Variants in STPG2 observed in about 807,000 individuals in gnomAD.
The protein encoded by STPG2 is sperm-tail PG-rich repeat-containing protein 2.
Under a neutral mutation model 54.2 loss-of-function variants are expected in STPG2, and 56 were observed. That is an observed-to-expected ratio of 1.03 (90% CI 0.83 to 1.29). The LOEUF (loss-of-function observed/expected upper bound fraction) is 1.29, where lower values mean the gene tolerates loss of function less well. STPG2 is among the 50% of genes most tolerant of loss of function. STPG2 has a pLI of 0.00. For synonymous variants in STPG2, 200 were observed against 181.8 expected, an observed-to-expected ratio of 1.10 and a Z score of -0.81; for missense variants, 596 against 544.9, an observed-to-expected ratio of 1.09 and a Z score of -0.93.
chr4:97,711,761 C>G (rs928054055), intron 10 of STPG2, among the ~76,000 whole-genome samples: 6 of 151,318 alleles, frequency 4.0e-5, no homozygotes, highest in Non-Finnish European at 7.4e-5. Context: ...ACTCTGCCTC[C>G]CAGATCCAAG....
chr4:97,672,257 T>G (rs541724619), intron 10 of STPG2, among the ~76,000 whole-genome samples: 48 of 135,934 alleles, frequency 3.5e-4, no homozygotes, highest in Non-Finnish European at 6.0e-4. Flanking sequence ...AACTGCAACC[T>G]CTGCCTCCTG....
At chr4:97,561,031 C>T (rs1448331847) in intron 10 of STPG2, among the ~76,000 whole-genome samples, 5 of 152,146 alleles carry the variant, frequency 3.3e-5, no homozygotes, top group Non-Finnish European at 5.9e-5. Context: ...GCCACACTGA[C>T]TTCCACAATG....
At chr4:97,608,488 TG>T (rs1410078865) in intron 10 of STPG2, among the ~76,000 whole-genome samples, 1 of 152,028 alleles carries the variant, frequency 6.6e-6, no homozygotes. Context: ...TGCCTACCTT[TG>T]GTTTTCTTCG....
chr4:97,981,827 A>AAATGTTTATATATATATATATATATAT (rs1205047472), intron 5 of STPG2, among the ~76,000 whole-genome samples: 2 of 85,444 alleles, frequency 2.3e-5, no homozygotes, highest in East Asian at 5.2e-4. Flanking sequence ...TATATATATA[A>AAATGTTTATATATATATATATATATAT]AATGTTTATA....
At chr4:97,525,426 C>T (rs2148849438) in intron 4 of STPG2, among the ~76,000 whole-genome samples, 1 of 151,986 alleles carries the variant, frequency 6.6e-6, no homozygotes, top group South Asian at 2.1e-4. Flanking sequence ...AGGGTTGTGA[C>T]TCAGCAGCAG....
chr4:97,765,406 C>G (rs958780221), intron 9 of STPG2, among the ~76,000 whole-genome samples: 2 of 152,102 alleles, frequency 1.3e-5, no homozygotes, highest in Non-Finnish European at 2.9e-5. Context: ...TGATATGTGA[C>G]AGTAAATCCC....
At chr4:97,893,032 C>T (rs1305317727) in intron 8 of STPG2, 1 of 152,128 alleles carries the variant, frequency 6.6e-6, no homozygotes, top group African/African-American at 2.4e-5. Flanking sequence ...TTATTCATGT[C>T]TGAAAGTCCA....
At chr4:97,981,562 T>C (rs1197043991) in intron 5 of STPG2, among the ~76,000 whole-genome samples, 4 of 152,006 alleles carry the variant, frequency 2.6e-5, no homozygotes, top group African/African-American at 9.7e-5. Context: ...GACAGACTTT[T>C]AGAAGAAAAT....
intron 9 of STPG2, among the ~76,000 whole-genome samples, chr4:97,725,241 T>C (rs1348891417): frequency 6.6e-6 from 1 of 151,726 alleles, no homozygotes; most frequent in South Asian, 2.1e-4. Flanking sequence ...CTACACAGAG[T>C]TGCAAGTCAG....
Position 98,128,582 on chromosome 4 carries a change from C to T in STPG2, c.233G>A (p.Arg78Lys). ...AACACTTCTGGTAAGTGTAGGTGAT[C>T]TTGAAATTTTCTGCAAGGAAAACAT... ...YNVSEAQKIS[R>K]SPTLTRSVDV... Residue 78 changes from arginine to lysine, a missense_variant, in exon 3 of 11, where the codon AGA becomes AAA. By Grantham distance (26) the Arg-to-Lys change is conservative (BLOSUM62 2). Transcript: ENST00000295268. 6.3e-7 allele frequency: 1 copy of T among 1,582,160 alleles called. No individual in the cohort carries two copies.
chr4:97,923,386 C>T (rs1416835002), intron 8 of STPG2, among the ~76,000 whole-genome samples: 2 of 152,058 alleles, frequency 1.3e-5, no homozygotes, highest in African/African-American at 4.8e-5. Context: ...CCATCGACTG[C>T]CCAAGGGCTA....
intron 10 of STPG2, among the ~76,000 whole-genome samples, chr4:97,590,504 T>C (rs1733113970): frequency 6.6e-6 from 1 of 152,046 alleles, no homozygotes. Flanking sequence ...AGTCAGTGCC[T>C]ATTCTTACAC....
intron 10 of STPG2, among the ~76,000 whole-genome samples, chr4:97,636,993 G>C (rs1721566618): frequency 6.6e-6 from 1 of 152,188 alleles, no homozygotes; most frequent in African/African-American, 2.4e-5. Context: ...CTCATTTTAT[G>C]AGGCCAGCAT....
intron 5 of STPG2, among the ~76,000 whole-genome samples, chr4:98,084,849 T>G (rs565059806): frequency 6.6e-6 from 1 of 152,160 alleles, no homozygotes; most frequent in Non-Finnish European, 1.5e-5. Context: ...TTATTCTAGA[T>G]ACAATTATTT....
chr4:98,143,295 G>A lies in STPG2; in HGVS notation c.-145C>T. 3 of 614,958 alleles carry A rather than the reference G, an allele frequency of 4.9e-6. No individual in the cohort carries two copies. The highest frequency in any genetic ancestry group is 2.0e-5 in the South Asian group (1 of 49,848). The allele number at this position is 614,958 out of a possible 1,614,324, so 38.1% of individuals were successfully genotyped here. ...TTCCGTAAACAGGGAAATTAGGGGT[G>A]GGGTTGTCTCCCCGCCCGCTCATTG... On this transcript the variant is annotated 5_prime_UTR_variant, in exon 1 of 11. Transcript: ENST00000295268.
intron 4 of STPG2, among the ~76,000 whole-genome samples, chr4:97,518,255 T>C (rs2148845515): frequency 6.6e-6 from 1 of 152,182 alleles, no homozygotes; most frequent in African/African-American, 2.4e-5. Context: ...ACTCAAGTAT[T>C]CCTGAAGCAT....
At chr4:98,131,110 G>A (rs2110165107) in intron 2 of STPG2, among the ~76,000 whole-genome samples, 1 of 151,894 alleles carries the variant, frequency 6.6e-6, no homozygotes, top group Admixed American at 6.5e-5. Context: ...CACATAAAGT[G>A]GGAAAAAATA....
rs901340131 is a variant in STPG2 at position 98,089,134 on chromosome 4, G to T, written c.612+16819C>A. 2.0e-5 allele frequency among the ~76,000 whole-genome samples: 3 copies of T among 151,826 alleles called. No individual in the cohort carries two copies. In the East Asian group the frequency reaches 5.8e-4, roughly 29 times the overall value. On this transcript the variant is annotated intron_variant, in intron 5 of 10. Coordinates refer to ENST00000295268, the MANE Select transcript of STPG2 (RefSeq NM_174952.3). ...TAAGTTCTTTAGTGGTGATTTCTGA[G>T]ATTTTGGTGCACCCATCACCCAGAC...
At chr4:98,016,757 C>G (rs145088264) in intron 5 of STPG2, among the ~76,000 whole-genome samples, 42 of 152,274 alleles carry the variant, frequency 2.8e-4, no homozygotes, top group Non-Finnish European at 5.6e-4. Context: ...TCATAGATCT[C>G]CATTTCATTA....
Sources: allele counts gnomAD v4.1 joint callset (sites outside exome capture counted in the v4.1 genomes callset), GRCh38; gene constraint gnomAD v4.1.1; transcripts MANE v1.5; gene names NCBI Gene and HGNC (gene_info 2026-07-23, HGNC 2026-07-21).